Variants in RNF213 observed in about 807,000 individuals in gnomAD.
The protein encoded by RNF213 is ring finger protein 213, also known as E3 ubiquitin-protein ligase RNF213.
A neutral mutation model predicts 514.4 loss-of-function variants in RNF213; 341 were observed. That is an observed-to-expected ratio of 0.66 (90% CI 0.61 to 0.73). RNF213 has a LOEUF of 0.73. Among genes scored for constraint, RNF213 ranks in the 30% least tolerant of loss-of-function variants. The probability of loss-of-function intolerance (pLI) is 0.00; values close to 1 mark genes in which losing one functional copy is unlikely to be tolerated. For missense variants in RNF213, 5,767 were observed against 6,615.6 expected (o/e 0.87, Z 4.45); for synonymous variants, 2,655 against 2,658.2 (o/e 1.00, Z 0.04).
intron 44 of RNF213, among the ~76,000 whole-genome samples, chr17:80,369,031 G>A (rs981158229): frequency 2.0e-5 from 3 of 152,206 alleles, no homozygotes; most frequent in African/African-American, 7.2e-5. Context: ...AGGGATGCAT[G>A]TAAATATCAT....
chr17:80,305,407 A>C (rs977352759), intron 11 of RNF213, among the ~76,000 whole-genome samples: 3 of 151,106 alleles, frequency 2.0e-5, no homozygotes, highest in African/African-American at 7.3e-5. Flanking sequence ...TGAACTCCCA[A>C]CCTCAGGTGA....
rs1266848336 is a variant in RNF213, at chr17:80,336,267, C to T, written c.4416C>T (p.Tyr1472=). 3.8e-5 allele frequency: 59 copies of T among 1,537,152 alleles called. No individual in the cohort carries two copies. Among genetic ancestry groups the T allele is most frequent in the Non-Finnish European group, 4.9e-5 (56 of 1,146,942 alleles). Residue 1472 remains tyrosine, a synonymous_variant, in exon 23 of 68, where the codon TAC becomes TAT. Coordinates refer to ENST00000582970, the MANE Select transcript of RNF213 (RefSeq NM_001256071.3). ...GCTTCCATGACGCTGTGCAGGGCTA[C>T]GCATCCCTGCTATTTAAGCTGGACC... ...VACFHDAVQG[Y]ASLLFKLDPS...
In RNF213 at chr17:80,390,120, G is replaced by C. The variant is rs758079303; in HGVS notation, c.15394G>C (p.Glu5132Gln). ...GACTGGCCTAGACGCCTTCCTGCTA[G>C]AGCTGCACGAAATGATAATCTTGAA... Reference protein sequence around the residue: ...NQTGLDAFLLELHEMIILKLK... With the variant: ...NQTGLDAFLLQLHEMIILKLK... Residue 5132 changes from glutamate (E) to glutamine (Q), a missense_variant, in exon 67 of 68, where the codon GAG (glutamate) becomes CAG (glutamine). Coordinates refer to ENST00000582970, the MANE Select transcript of RNF213 (RefSeq NM_001256071.3). 5 of 1,614,202 alleles carry C rather than the reference G, an allele frequency of 3.1e-6. No homozygotes were observed. The highest frequency in any genetic ancestry group is 1.3e-5 in the African/African-American group (1 of 75,060).
In RNF213 at chr17:80,389,321, C is replaced by T. The variant is rs775329853; in HGVS notation, c.15149C>T (p.Thr5050Ile). Reference protein sequence around the residue: ...GDPNMQLNVYTQDILQMGDQT... With the variant: ...GDPNMQLNVYIQDILQMGDQT... ...CCAAACATGCAGCTGAATGTGTATA[C>T]TCAAGACATCCTGCAAATGGGTGAT... Residue 5050 changes from threonine to isoleucine, a missense_variant, in exon 65 of 68, where the codon ACT becomes ATT. Transcript: ENST00000582970. 15 of 1,614,114 alleles carry T rather than the reference C, an allele frequency of 9.3e-6. No homozygotes were observed. The South Asian group carries it at 1.5e-4, about 17-fold the overall frequency.
Position 80,263,741 on chromosome 17 carries a change from G to A in RNF213, c.60G>A (p.Gln20=), listed in dbSNP as rs2043507181. 6.2e-7 allele frequency: 1 copy of A among 1,614,026 alleles called. No homozygotes were observed. The highest frequency in any genetic ancestry group is 8.5e-7 in the Non-Finnish European group (1 of 1,180,016). The change falls in exon 2 of 68, where the codon CAG becomes CAA. Residue 20 remains glutamine, a synonymous_variant. Transcript: ENST00000582970. This position sits in a 1 kb window ranked among gnomAD's most constrained non-coding sequence, Gnocchi z 4.9. ...AGGAAACCCCCAAGTTCTGCAGCCAGTGCGGAGAGAGGCTGCCTCCTGCAG... is the reference window on the plus strand; with the variant it reads ...AGGAAACCCCCAAGTTCTGCAGCCAATGCGGAGAGAGGCTGCCTCCTGCAG... The part of the protein sequence containing the change: ...SKEETPKFCS[Q]CGERLPPAAP...
intron 10 of RNF213, 115 bp downstream of exon 10, chr17:80,295,928 A>T (rs1350961907): frequency 1.2e-5 from 15 of 1,200,948 alleles, no homozygotes; most frequent in Non-Finnish European, 1.7e-5. Flanking sequence ...AAATAAAACC[A>T]CCCGTGATTT....
At chr17:80,325,483 C>G (rs1278162760) in intron 18 of RNF213, among the ~76,000 whole-genome samples, 1 of 152,056 alleles carries the variant, frequency 6.6e-6, no homozygotes, top group Non-Finnish European at 1.5e-5. Flanking sequence ...CTGAAAGTCC[C>G]CTTTAAGGCC....
chr17:80,373,295 TACCCTCATACCCCCACACCTC>T (rs1448289776), intron 49 of RNF213, 130 bp downstream of exon 49: 8 of 469,098 alleles, frequency 1.7e-5, no homozygotes, highest in East Asian at 8.8e-5. Flanking sequence ...CCCCACCACA[TACCCTCATACCCCCACACCTC>T]ACCCTCACAC....
At chr17:80,316,400 CA>C (rs2045949836) in intron 15 of RNF213, 1 of 152,244 alleles carries the variant, frequency 6.6e-6, no homozygotes, top group African/African-American at 2.4e-5. Context: ...CTGAACTTTT[CA>C]AAACTGTCAA....
intron 14 of RNF213, among the ~76,000 whole-genome samples, chr17:80,310,836 G>T (rs371935395): frequency 3.9e-5 from 6 of 152,248 alleles, no homozygotes; most frequent in Admixed American, 2.6e-4. Flanking sequence ...ACAGGCATGA[G>T]CTACTGCACC....
rs1230389103 is a variant in RNF213 at position 80,273,405 on chromosome 17, G to T, written c.261+1G>T. Reference sequence around the variant, plus strand: ...CAAAGCCTCCTGGACCGTCCAAGAAGTGAGTGCACTGCCTCGGCTCCCCTC... The same window carrying T: ...CAAAGCCTCCTGGACCGTCCAAGAATTGAGTGCACTGCCTCGGCTCCCCTC... On this transcript the variant is annotated splice_donor_variant, in intron 3 of 67. Coordinates refer to ENST00000582970, the MANE Select transcript of RNF213 (RefSeq NM_001256071.3). LOFTEE classifies it high-confidence loss of function. The T allele has an allele frequency of 6.2e-7, 1 of 1,612,470 alleles. No homozygotes were observed. Among genetic ancestry groups the T allele is most frequent in the South Asian group, 1.1e-5 (1 of 91,052 alleles).
chr17:80,379,402 C>CT (rs2079894556), intron 54 of RNF213: 1 of 582,030 alleles, frequency 1.7e-6, no homozygotes, highest in African/African-American at 1.8e-5. Flanking sequence ...AATTGTCTCA[C>CT]TTATTTAAAA....
rs749673751 is a variant in RNF213, at chr17:80,389,382, G to A, written c.15195+15G>A. The A allele has an allele frequency of 4.0e-5, 64 of 1,611,720 alleles. No homozygotes were observed. The highest frequency in any genetic ancestry group is 3.0e-4 in the Admixed American group (18 of 59,864). On this transcript the variant is annotated intron_variant, in intron 65 of 67. Coordinates refer to ENST00000582970, the MANE Select transcript of RNF213 (RefSeq NM_001256071.3). ...ACGTGTTAAAGGTGGGTCTCACACC[G>A]AAAAGGAAATCAGCACAGCCCCTCA...
chr17:80,379,430 C>T (rs2079895900), intron 54 of RNF213, 190 bp from the exon 55 acceptor site: 1 of 637,964 alleles, frequency 1.6e-6, no homozygotes, highest in Non-Finnish European at 2.9e-6. Flanking sequence ...CCAGTTTGCC[C>T]ACGTGCAACA....
intron 10 of RNF213, among the ~76,000 whole-genome samples, chr17:80,296,142 C>T (rs1030972020): frequency 6.6e-5 from 10 of 152,160 alleles, no homozygotes; most frequent in Non-Finnish European, 5.9e-5. Context: ...GCTTCAGCCT[C>T]CTTAGTAGCA....
At chr17:80,365,797 G>C (rs754528876) in intron 42 of RNF213, among the ~76,000 whole-genome samples, 1 of 152,170 alleles carries the variant, frequency 6.6e-6, no homozygotes, top group Non-Finnish European at 1.5e-5. Context: ...ATGTCTCGGC[G>C]CTCTGGGAGA....
In RNF213 at chr17:80,332,612, T is replaced by C. The variant is rs1224095409; in HGVS notation, c.4124T>C (p.Leu1375Pro). 2.0e-6 allele frequency: 3 copies of C among 1,499,990 alleles called. No homozygotes were observed. Among genetic ancestry groups the C allele is most frequent in the Admixed American group, 4.4e-5 (2 of 45,384 alleles). The allele number at this position is 1,499,990 out of a possible 1,614,324, so 92.9% of individuals were successfully genotyped here. A position where few individuals can be genotyped will look rare whatever the true frequency, so the allele number is the denominator to read the frequency against. ...SLGLNGDFSV[L>P]NTLLNFTDNF... Reference sequence around the variant, plus strand: ...GGACTGAACGGTGACTTCAGTGTTCTCAACACTTTACTAAATTTTGTAAGT... The same window carrying C: ...GGACTGAACGGTGACTTCAGTGTTCCCAACACTTTACTAAATTTTGTAAGT... The change falls in exon 21 of 68, where the codon CTC becomes CCC. Residue 1375 changes from leucine to proline, a missense_variant. By Grantham distance (98) the Leu-to-Pro change is moderately conservative. Transcript: ENST00000582970.
intron 7 of RNF213, 132 bp downstream of exon 7, chr17:80,290,860 A>AGTGTGGT: frequency 9.6e-7 from 1 of 1,045,002 alleles, no homozygotes; most frequent in South Asian, 1.4e-5. Flanking sequence ...CCCAGGCTGG[A>AGTGTGGT]GTGTGGTGGC....
At chr17:80,293,685 G>A (rs1053678926) in intron 8 of RNF213, among the ~76,000 whole-genome samples, 2 of 152,074 alleles carry the variant, frequency 1.3e-5, no homozygotes, top group Non-Finnish European at 2.9e-5. Context: ...TTGGCCGGGC[G>A]TCTTGGCAGC....
Sources: gnomAD v4.1 joint callset for allele counts (sites outside exome capture counted in the v4.1 genomes callset) on GRCh38, gnomAD v4.1.1 for gene constraint, Gnocchi (gnomAD v3.1) non-coding constraint, MANE v1.5 for transcripts, NCBI Gene and HGNC (gene_info 2026-07-23, HGNC 2026-07-21) for gene names.